PDE10A: variants seen among roughly 807,000 people sequenced by gnomAD.
PDE10A encodes the protein phosphodiesterase 10A.
Under a neutral mutation model 97.7 loss-of-function variants are expected in PDE10A, and 39 were observed. That is an observed-to-expected ratio of 0.40 (90% CI 0.31 to 0.52). The LOEUF is 0.52. Ranked by LOEUF, PDE10A falls within the 20% of genes least tolerant of loss-of-function variation. The pLI is 0.56. For synonymous variants in PDE10A, 371 were observed against 376.8 expected (o/e 0.98, Z 0.18); for missense variants, 731 against 1,047.8 (o/e 0.70, Z 4.17).
At chr6:165,742,562 G>A (rs1206267243) in intron 1 of PDE10A, among the ~76,000 whole-genome samples, 1 of 152,128 alleles carries the variant, frequency 6.6e-6, no homozygotes, top group Non-Finnish European at 1.5e-5. Flanking sequence ...AGCATGGCAG[G>A]TGGGCTCGGG....
intron 13 of PDE10A, among the ~76,000 whole-genome samples, chr6:165,404,196 A>G (rs1041330333): frequency 6.6e-5 from 10 of 152,142 alleles, no homozygotes; most frequent in Admixed American, 1.3e-4. Flanking sequence ...AACTATTATA[A>G]ATCAATAAAA....
chr6:165,918,053 C>G (rs938518974), intron 1 of PDE10A, among the ~76,000 whole-genome samples: 4 of 152,152 alleles, frequency 2.6e-5, no homozygotes, highest in Admixed American at 2.6e-4. Flanking sequence ...CTCAACAATT[C>G]CAGAGTGGTA....
intron 1 of PDE10A, among the ~76,000 whole-genome samples, chr6:165,892,555 A>T (rs149050021): frequency 6.6e-6 from 1 of 152,294 alleles, no homozygotes; most frequent in Non-Finnish European, 1.5e-5. Flanking sequence ...TCCCCAAGGC[A>T]TGGGTGCATG....
At chr6:165,369,413 C>T (rs1442544873) in intron 18 of PDE10A, among the ~76,000 whole-genome samples, 1 of 151,482 alleles carries the variant, frequency 6.6e-6, no homozygotes. Flanking sequence ...AACCAAGGCT[C>T]AAGAACTACG....
intron 1 of PDE10A, among the ~76,000 whole-genome samples, chr6:165,604,563 G>C (rs192145022): frequency 3.5e-4 from 53 of 149,562 alleles, no homozygotes; most frequent in Non-Finnish European, 4.7e-4. Flanking sequence ...AAAGCATGCA[G>C]AGATAGCTAC....
At position 165,979,383 on chromosome 6, in the gene PDE10A, T is replaced by C. The variant is rs186141197; in HGVS notation, c.-615+8146A>G. On this transcript the variant is annotated intron_variant, in intron 1 of 19. Coordinates refer to the PDE10A transcript ENST00000366882. ...ACCAGGCATTAGCACCTTAAAATTA[T>C]GTCCTGAAGAAAAATGCTTTTACAA... Among the ~76,000 whole-genome samples, 12 of 152,356 alleles carry C rather than the reference T, an allele frequency of 7.9e-5. No homozygotes were observed. In the East Asian group the frequency reaches 2.3e-3, roughly 29 times the overall value.
intron 13 of PDE10A, among the ~76,000 whole-genome samples, chr6:165,412,066 A>G (rs935981119): frequency 1.3e-5 from 2 of 151,550 alleles, no homozygotes; most frequent in African/African-American, 2.4e-5. Flanking sequence ...TCAAAATGTT[A>G]TAATAGTTGA....
chr6:165,621,298 CAAA>C (rs201406861), intron 1 of PDE10A, among the ~76,000 whole-genome samples: 15,911 of 138,230 alleles, frequency 0.12, 832 homozygotes, highest in Middle Eastern at 0.14. Flanking sequence ...TTTAAGCTTT[CAAA>C]AAAAAAAAAA....
At chr6:165,894,244 C>T (rs1381934215) in intron 1 of PDE10A, 2 of 454,726 alleles carry the variant, frequency 4.4e-6, no homozygotes, top group Non-Finnish European at 4.4e-6. Flanking sequence ...TGTCCTGTGA[C>T]ATGGTGGCAG....
chr6:165,737,042 C>T (rs1583016199), intron 1 of PDE10A, among the ~76,000 whole-genome samples: 1 of 152,080 alleles, frequency 6.6e-6, no homozygotes, highest in East Asian at 1.9e-4. Context: ...AATGGCATAA[C>T]CTGAAACAAT....
intron 1 of PDE10A, among the ~76,000 whole-genome samples, chr6:165,691,677 T>A (rs1791305651): frequency 6.6e-6 from 1 of 152,142 alleles, no homozygotes; most frequent in Non-Finnish European, 1.5e-5. Flanking sequence ...GGCCAACTCC[T>A]GCTGGTGCCT....
intron 1 of PDE10A, among the ~76,000 whole-genome samples, chr6:165,888,084 G>A (rs1176733366): frequency 1.3e-5 from 2 of 152,128 alleles, no homozygotes; most frequent in African/African-American, 4.8e-5. Context: ...CCCTCTGCCT[G>A]AGACCAGTTA....
chr6:165,399,401 A>G (rs1786448496), intron 13 of PDE10A, among the ~76,000 whole-genome samples: 1 of 152,336 alleles, frequency 6.6e-6, no homozygotes, highest in Non-Finnish European at 1.5e-5. Context: ...AAAGGTAAAG[A>G]AATTATACTG....
intron 1 of PDE10A, among the ~76,000 whole-genome samples, chr6:165,829,339 C>T (rs1050125458): frequency 6.6e-6 from 1 of 152,004 alleles, no homozygotes; most frequent in African/African-American, 2.4e-5. Context: ...ATGATCTCAT[C>T]GGCCATGCAG....
intron 1 of PDE10A, among the ~76,000 whole-genome samples, chr6:165,549,610 C>T (rs1208980609): frequency 1.3e-5 from 2 of 152,166 alleles, no homozygotes; most frequent in African/African-American, 4.8e-5. Context: ...AGACGTGAGC[C>T]ACCATGCGCG....
chr6:165,913,889 G>A (rs1018873623), intron 1 of PDE10A, among the ~76,000 whole-genome samples: 6 of 152,190 alleles, frequency 3.9e-5, no homozygotes, highest in Admixed American at 6.5e-5. Flanking sequence ...TTGCAGTTTC[G>A]CAAAGAGATT....
intron 1 of PDE10A, among the ~76,000 whole-genome samples, chr6:165,808,756 G>A (rs1779204490): frequency 6.6e-6 from 1 of 152,168 alleles, no homozygotes; most frequent in African/African-American, 2.4e-5. Flanking sequence ...TAAGTCAGTT[G>A]ACTTATTCTA....
At chr6:165,694,606 T>G (rs536411139) in intron 1 of PDE10A, among the ~76,000 whole-genome samples, 2 of 152,380 alleles carry the variant, frequency 1.3e-5, no homozygotes, top group Middle Eastern at 6.8e-3. Flanking sequence ...TGAGCTGAGC[T>G]GCTTACCACA....
intron 1 of PDE10A, among the ~76,000 whole-genome samples, chr6:165,953,522 C>A (rs774454050): frequency 6.6e-6 from 1 of 151,462 alleles, no homozygotes; most frequent in African/African-American, 2.4e-5. Flanking sequence ...ACCCAGGAAG[C>A]GGAGGTTGCA....
Sources: gnomAD v4.1 joint callset for allele counts (sites outside exome capture counted in the v4.1 genomes callset) on GRCh38, gnomAD v4.1.1 for gene constraint, MANE v1.5 for transcripts, NCBI Gene and HGNC (gene_info 2026-07-23, HGNC 2026-07-21) for gene names.